The following SCML1 variants were observed in gnomAD, a reference collection of about 807,000 sequenced individuals.
The protein encoded by SCML1 is Scm polycomb group protein like 1.
For synonymous variants in SCML1, 104 were observed against 103.6 expected, an observed-to-expected ratio of 1.00 and a Z score of -0.02; for missense variants, 137 against 258.1, an observed-to-expected ratio of 0.53 and a Z score of 3.22.
At chrX:17,751,717 AAG>A (rs2066709042) in intron 6 of SCML1, 96 bp from the exon 7 acceptor site, 4 of 931,870 alleles carry the variant, frequency 4.3e-6, no homozygotes, top group Non-Finnish European at 5.9e-6. Flanking sequence ...GGTTCCAACA[AAG>A]AGAGCATTCC....
chrX:17,742,064 A>G (rs1165782921), intron 1 of SCML1, among the ~76,000 whole-genome samples: 1 of 112,473 alleles, frequency 8.9e-6, no homozygotes, highest in Non-Finnish European at 1.9e-5. Context: ...AAGAAAAAGT[A>G]GGATAATTTG....
At chrX:17,749,377 A>G in intron 4 of SCML1, 23 bp from the exon 5 acceptor site, 1 of 848,305 alleles carries the variant, frequency 1.2e-6, no homozygotes, top group Middle Eastern at 3.3e-4. Flanking sequence ...TACCAATTAT[A>G]TGACTACATT....
At chrX:17,747,392 G>A (rs781518458) in intron 4 of SCML1, among the ~76,000 whole-genome samples, 45 of 111,055 alleles carry the variant, frequency 4.1e-4, no homozygotes, top group African/African-American at 1.4e-3. Context: ...CACTTCTCTT[G>A]CTTCCCATCC....
At chrX:17,738,741 G>A (rs746285808) in intron 1 of SCML1, among the ~76,000 whole-genome samples, 182 of 112,227 alleles carry the variant, frequency 1.6e-3, no homozygotes, top group Non-Finnish European at 2.9e-3. Context: ...TGTCTTTAAT[G>A]TCTAAAAAAA....
In SCML1 at chrX:17,739,713, G is replaced by C. The variant is rs190347481; in HGVS notation, c.-117+2033G>C. Reference sequence around the variant, plus strand: ...AAAGTACAAAAATTAACTGGGCATGGTGGTGCAAGCCTGTTACGCTAACTA... The same window carrying C: ...AAAGTACAAAAATTAACTGGGCATGCTGGTGCAAGCCTGTTACGCTAACTA... On this transcript the variant is annotated intron_variant, in intron 1 of 7. Transcript: ENST00000380041. Among the ~76,000 whole-genome samples, 516 of 108,500 alleles carry C rather than the reference G, an allele frequency of 4.8e-3. 4 individuals carry two copies. Among genetic ancestry groups the C allele is most frequent in the African/African-American group, 0.017 (497 of 29,643 alleles). The allele number at this position is 108,500 out of a possible 115,157, so 94.2% of individuals were successfully genotyped here. A position where few individuals can be genotyped will look rare whatever the true frequency, so the allele number is the denominator to read the frequency against.
chrX:17,743,612 T>G (rs912937362), intron 1 of SCML1, among the ~76,000 whole-genome samples: 2 of 111,678 alleles, frequency 1.8e-5, no homozygotes, highest in African/African-American at 6.5e-5. Flanking sequence ...TCTCAACTGG[T>G]GTTCGAAACC....
In SCML1 at chrX:17,750,264, C is replaced by T. The variant is rs1313116342; in HGVS notation, c.674C>T (p.Thr225Ile). ...GACAGCATCCACAACACTTACTCAACTGACCATGCTTCTGCAGCACCACCT... is the reference window on the plus strand; with the variant it reads ...GACAGCATCCACAACACTTACTCAATTGACCATGCTTCTGCAGCACCACCT... Reference protein sequence around the residue: ...RADSIHNTYSTDHASAAPPSV... With the variant: ...RADSIHNTYSIDHASAAPPSV... Residue 225 changes from threonine to isoleucine, a missense_variant, in exon 6 of 8, where the codon ACT (threonine) becomes ATT (isoleucine). Physicochemically the swap from Thr to Ile is moderately conservative, Grantham distance 89 (BLOSUM62 -1). Transcript: ENST00000380041. The T allele has an allele frequency of 8.3e-7, 1 of 1,207,462 alleles. No individual in the cohort carries two copies. Among genetic ancestry groups the T allele is most frequent in the Non-Finnish European group, 1.1e-6 (1 of 892,588 alleles).
At chrX:17,748,911 A>G (rs1371703816) in intron 4 of SCML1, among the ~76,000 whole-genome samples, 1 of 112,695 alleles carries the variant, frequency 8.9e-6, no homozygotes, top group East Asian at 2.8e-4. Context: ...TTTGAAGCCA[A>G]AAGTCACATC....
At chrX:17,742,963 G>A (rs1001817482) in intron 1 of SCML1, among the ~76,000 whole-genome samples, 3 of 112,056 alleles carry the variant, frequency 2.7e-5, no homozygotes, top group Admixed American at 9.4e-5. Context: ...GGTTATGGTT[G>A]TGAGATTCGG....
chrX:17,744,087 C>A lies in SCML1; in HGVS notation c.-100C>A. On this transcript the variant is annotated 5_prime_UTR_variant, in exon 2 of 8. Coordinates refer to ENST00000380041, the MANE Select transcript of SCML1 (RefSeq NM_001037540.3). The stretch of plus-strand genomic sequence containing the variant: ...GCTTTTCAGGAGTAGAGGTTTACCA[C>A]TCTTAGGTGACTAAGCAGTATCACA... 1 of 719,750 alleles carries A rather than the reference C, an allele frequency of 1.4e-6. No homozygotes were observed. The highest frequency in any genetic ancestry group is 2.2e-6 in the Non-Finnish European group (1 of 461,367). 59.3% of individuals were successfully genotyped at this position (719,750 alleles called of 1,213,427 possible).
At chrX:17,753,170 T>C in intron 7 of SCML1, 88 bp from the exon 8 acceptor site, 1 of 747,131 alleles carries the variant, frequency 1.3e-6, no homozygotes, top group Non-Finnish European at 1.9e-6. Flanking sequence ...GCTCTCTAGT[T>C]TGCTTTACAT....
chrX:17,741,980 G>A (rs2066599690), intron 1 of SCML1, among the ~76,000 whole-genome samples: 1 of 111,754 alleles, frequency 8.9e-6, no homozygotes, highest in Non-Finnish European at 1.9e-5. Flanking sequence ...TTTAAACTGT[G>A]GTTTTGCTAA....
rs2066623886 is a variant in SCML1, at chrX:17,744,123, C to T, written c.-64C>T. 1 of 1,016,011 alleles carries T rather than the reference C, an allele frequency of 9.8e-7. No individual in the cohort carries two copies. Among genetic ancestry groups the T allele is most frequent in the Non-Finnish European group, 1.4e-6 (1 of 721,731 alleles). 83.7% of individuals were successfully genotyped at this position (1,016,011 alleles called of 1,213,427 possible). ...CTAAGCAGTATCACAAATAAACCCTCCAGCAAGTTTAAAAATAATTAGGTC... is the reference window on the plus strand; with the variant it reads ...CTAAGCAGTATCACAAATAAACCCTTCAGCAAGTTTAAAAATAATTAGGTC... On this transcript the variant is annotated 5_prime_UTR_variant, in exon 2 of 8. Coordinates refer to ENST00000380041, the MANE Select transcript of SCML1 (RefSeq NM_001037540.3).
In SCML1 at chrX:17,742,947, A is replaced by G. The variant is rs147217255; in HGVS notation, c.-116-1124A>G. ...CTCTTTTGTTTCTGGCTGTTTTTAA[A>G]CCCAAGGTTATGGTTGTGAGATTCG... On this transcript the variant is annotated intron_variant, in intron 1 of 7. Transcript: ENST00000380041. Among the ~76,000 whole-genome samples, 326 of 111,806 alleles carry G rather than the reference A, an allele frequency of 2.9e-3. 9 individuals are homozygous for G. The East Asian group carries it at 0.064, about 22-fold the overall frequency.
intron 4 of SCML1, 41 bp from the exon 5 acceptor site, chrX:17,749,359 A>ACATTG: frequency 1.4e-6 from 1 of 738,559 alleles, no homozygotes. Context: ...ATTATATTTT[A>ACATTG]CATTGTATAC....
At chrX:17,750,427 T>C in intron 6 of SCML1, 134 bp downstream of exon 6, 1 of 639,251 alleles carries the variant, frequency 1.6e-6, no homozygotes, top group Non-Finnish European at 2.3e-6. Context: ...AATGCCATAT[T>C]TACAAGTAGC....
intron 7 of SCML1, among the ~76,000 whole-genome samples, 194 bp downstream of exon 7, chrX:17,752,160 G>GTGCCTAAAATACAAAC (rs1416139128): frequency 1.8e-5 from 2 of 111,719 alleles, no homozygotes; most frequent in African/African-American, 6.5e-5. Context: ...GGGTGTAGAA[G>GTGCCTAAAATACAAAC]TGCCTAAAAT....
At chrX:17,748,109 G>C (rs1275783304) in intron 4 of SCML1, among the ~76,000 whole-genome samples, 1 of 111,790 alleles carries the variant, frequency 8.9e-6, no homozygotes, top group Non-Finnish European at 1.9e-5. Context: ...TTTCTGATGA[G>C]CTTACAGGTG....
chrX:17,741,409 G>A (rs890528135), intron 1 of SCML1, among the ~76,000 whole-genome samples: 27 of 111,713 alleles, frequency 2.4e-4, no homozygotes, highest in Admixed American at 9.4e-5. Context: ...TTAGAGTAAA[G>A]GGGCAAGTGG....
Sources: gnomAD v4.1 joint callset for allele counts (sites outside exome capture counted in the v4.1 genomes callset) on GRCh38, gnomAD v4.1.1 for gene constraint, MANE v1.5 for transcripts, NCBI Gene and HGNC (gene_info 2026-07-23, HGNC 2026-07-21) for gene names.